Variants in AMIGO1 observed in about 807,000 individuals in gnomAD.
AMIGO1 encodes the protein amphoterin-induced protein 1.
For missense variants in AMIGO1, 361 were observed against 612.3 expected (o/e 0.59, Z 4.33); for synonymous variants, 249 against 266.3 (o/e 0.93, Z 0.63).
In AMIGO1 at chr1:109,509,676, G is replaced by A. The variant is rs1179695684; in HGVS notation, c.-344C>T. 1 of 151,110 alleles carries A rather than the reference G, an allele frequency of 6.6e-6. No individual in the cohort carries two copies. Among genetic ancestry groups the A allele is most frequent in the Non-Finnish European group, 1.5e-5 (1 of 67,696 alleles). 9.4% of individuals were successfully genotyped at this position (151,110 alleles called of 1,614,324 possible). On this transcript the variant is annotated 5_prime_UTR_variant, in exon 1 of 2. Coordinates refer to ENST00000369864, the MANE Select transcript of AMIGO1 (RefSeq NM_020703.4). ...CAGGCCTGGCGCGGATCGGTGCGGG[G>A]AGCCGGAGGCGCAGCGATCCCAGCG...
In AMIGO1 at chr1:109,505,134, G is replaced by A. The variant is rs569914560; in HGVS notation, c.*2297C>T. 2.2e-4 allele frequency: 34 copies of A among 152,334 alleles called. No individual in the cohort carries two copies. The highest frequency in any genetic ancestry group is 8.2e-4 in the African/African-American group (34 of 41,556). The allele number at this position is 152,334 out of a possible 1,614,324, so 9.4% of individuals were successfully genotyped here. A position where few individuals can be genotyped will look rare whatever the true frequency, so the allele number is the denominator to read the frequency against. On this transcript the variant is annotated 3_prime_UTR_variant, in exon 2 of 2. Transcript: ENST00000369864. ...TAGCCCCTTGCCAGTTTCCTTCTGA[G>A]TCCTTCAATGACCTAGTTCTATCTT...
In AMIGO1 at chr1:109,507,893, G is replaced by C. The variant is rs754317749; in HGVS notation, c.1020C>G (p.Thr340=). 1 of 1,614,118 alleles carries C rather than the reference G, an allele frequency of 6.2e-7. No homozygotes were observed. Among genetic ancestry groups the C allele is most frequent in the Non-Finnish European group, 8.5e-7 (1 of 1,180,030 alleles). ...TGAAAGTCTCTCCCATGGCATAGCA[G>C]GTATACACACCACCGTCCTCGACCT... ...QVQVEDGGVY[T]CYAMGETFNE... The change falls in exon 2 of 2, where the codon ACC becomes ACG. Residue 340 remains threonine, a synonymous_variant. Coordinates refer to ENST00000369864, the MANE Select transcript of AMIGO1 (RefSeq NM_020703.4). The surrounding 1 kb of genome is among the most constrained non-coding windows in gnomAD (Gnocchi z 4.7).
rs1384679927 is a variant in AMIGO1, at chr1:109,508,968, C to T, written c.-56G>A. On this transcript the variant is annotated 5_prime_UTR_variant, in exon 2 of 2. Coordinates refer to ENST00000369864, the MANE Select transcript of AMIGO1 (RefSeq NM_020703.4). This position sits in a 1 kb window ranked among gnomAD's most constrained non-coding sequence, Gnocchi z 7.8. The stretch of plus-strand genomic sequence containing the variant: ...AAGGAAGATCTGGGAGGAGGTCACC[C>T]GGGCATGTTCTGGTGGGGTACGGAA... 19 of 1,462,396 alleles carry T rather than the reference C, an allele frequency of 1.3e-5. No homozygotes were observed. The highest frequency in any genetic ancestry group is 1.7e-5 in the Non-Finnish European group (19 of 1,104,584). 90.6% of individuals were successfully genotyped at this position (1,462,396 alleles called of 1,614,324 possible).
In AMIGO1 at chr1:109,504,928, T is replaced by C. The variant is rs925453517; in HGVS notation, c.*2503A>G. On this transcript the variant is annotated 3_prime_UTR_variant, in exon 2 of 2. Coordinates refer to ENST00000369864, the MANE Select transcript of AMIGO1 (RefSeq NM_020703.4). ...CTTTAAAGATCTTCAGAGCCCTAGA[T>C]GGTGCCAAGCGGGGAGACTGCAGCA... The C allele has an allele frequency of 1.3e-5, 2 of 152,170 alleles. No homozygotes were observed. Among genetic ancestry groups the C allele is most frequent in the African/African-American group, 4.8e-5 (2 of 41,418 alleles). 9.4% of individuals were successfully genotyped at this position (152,170 alleles called of 1,614,324 possible). A position where few individuals can be genotyped will look rare whatever the true frequency, so the allele number is the denominator to read the frequency against.
In AMIGO1 at chr1:109,506,689, G is replaced by A. The variant is rs1658031742; in HGVS notation, c.*742C>T. 1 of 152,236 alleles carries A rather than the reference G, an allele frequency of 6.6e-6. No individual in the cohort carries two copies. The highest frequency in any genetic ancestry group is 1.5e-5 in the Non-Finnish European group (1 of 68,072). The allele number at this position is 152,236 out of a possible 1,614,324, so 9.4% of individuals were successfully genotyped here. A position where few individuals can be genotyped will look rare whatever the true frequency, so the allele number is the denominator to read the frequency against. ...CGTGCTGGCACCTATGCTGTGACATGGACCCTTCAGTTCATGCTATAACCC... is the reference window on the plus strand; with the variant it reads ...CGTGCTGGCACCTATGCTGTGACATAGACCCTTCAGTTCATGCTATAACCC... On this transcript the variant is annotated 3_prime_UTR_variant, in exon 2 of 2. Transcript: ENST00000369864.
chr1:109,509,274 G>T, intron 1 of AMIGO1, 146 bp downstream of exon 1: 1 of 248,340 alleles, frequency 4.0e-6, no homozygotes, highest in Non-Finnish European at 7.9e-6. Flanking sequence ...CACGGGCAGG[G>T]TTTGGAGGTG....
rs939941270 is a variant in AMIGO1, at chr1:109,505,160, AATTGCTCATAT to A, written c.*2260_*2270del. 3 of 152,286 alleles carry A rather than the reference AATTGCTCATAT, an allele frequency of 2.0e-5. No individual in the cohort carries two copies. The highest frequency in any genetic ancestry group is 1.9e-4 in the East Asian group (1 of 5,184). The allele number at this position is 152,286 out of a possible 1,614,324, so 9.4% of individuals were successfully genotyped here. A position where few individuals can be genotyped will look rare whatever the true frequency, so the allele number is the denominator to read the frequency against. On this transcript the variant is annotated 3_prime_UTR_variant, in exon 2 of 2. Coordinates refer to ENST00000369864, the MANE Select transcript of AMIGO1 (RefSeq NM_020703.4). The stretch of plus-strand genomic sequence containing the variant: ...TCCTTCAATGACCTAGTTCTATCTT[AATTGCTCATAT>A]ATTGCTCATATATATAGTCTTCACG...
chr1:109,508,287 G>C lies in AMIGO1; in HGVS notation c.626C>G (p.Pro209Arg). ...NLPLPDLQKL[P>R]AWIKNGLYLH... ...GTACAGCCCATTCTTGATCCAGGCC[G>C]GCAGCTTCTGCAGGTCAGGCAATGG... The change falls in exon 2 of 2, where the codon CCG (proline) becomes CGG (arginine). Residue 209 changes from proline (P) to arginine (R), a missense_variant. Coordinates refer to ENST00000369864, the MANE Select transcript of AMIGO1 (RefSeq NM_020703.4). This position sits in a 1 kb window ranked among gnomAD's most constrained non-coding sequence, Gnocchi z 7.8. 1 of 1,613,960 alleles carries C rather than the reference G, an allele frequency of 6.2e-7. No homozygotes were observed. The highest frequency in any genetic ancestry group is 8.5e-7 in the Non-Finnish European group (1 of 1,179,992).
rs755962381 is a variant in AMIGO1, at chr1:109,508,349, C to T, written c.564G>A (p.Thr188=). 5 of 1,613,942 alleles carry T rather than the reference C, an allele frequency of 3.1e-6. No individual in the cohort carries two copies. Among genetic ancestry groups the T allele is most frequent in the African/African-American group, 1.3e-5 (1 of 74,880 alleles). ...VKEGAKLPKL[T]LLDLSSNKLK... ...GCTTGTTAGAAGAGAGATCCAGGAGCGTTAGTTTGGGTAGCTTGGCTCCTT... is the reference window on the plus strand; with the variant it reads ...GCTTGTTAGAAGAGAGATCCAGGAGTGTTAGTTTGGGTAGCTTGGCTCCTT... The change falls in exon 2 of 2, where the codon ACG becomes ACA. Residue 188 remains threonine (T), a synonymous_variant. Transcript: ENST00000369864. This position sits in a 1 kb window ranked among gnomAD's most constrained non-coding sequence, Gnocchi z 7.8.
chr1:109,507,371 A>C lies in AMIGO1; in HGVS notation c.*60T>G, dbSNP rs1040181953. Reference sequence around the variant, plus strand: ...AGCCAGCCCTCTCTTCCATCCCCTCATATCCTTCAGGGGTGCATTACCTCT... The same window carrying C: ...AGCCAGCCCTCTCTTCCATCCCCTCCTATCCTTCAGGGGTGCATTACCTCT... On this transcript the variant is annotated 3_prime_UTR_variant, in exon 2 of 2. Coordinates refer to ENST00000369864, the MANE Select transcript of AMIGO1 (RefSeq NM_020703.4). This position sits in a 1 kb window ranked among gnomAD's most constrained non-coding sequence, Gnocchi z 4.7. The C allele has an allele frequency of 3.1e-5, 48 of 1,534,244 alleles. No homozygotes were observed. The highest frequency in any genetic ancestry group is 4.0e-5 in the Non-Finnish European group (46 of 1,139,582).
In AMIGO1 at chr1:109,504,789, C is replaced by T. The variant is rs1168575672; in HGVS notation, c.*2642G>A. ...GGATATAGTCAGGAGACTTAAGAGC[C>T]ACAGGGCCTTTTCTCATTCCCTAAA... On this transcript the variant is annotated 3_prime_UTR_variant, in exon 2 of 2. Transcript: ENST00000369864. The T allele has an allele frequency of 6.6e-6, 1 of 152,186 alleles. No individual in the cohort carries two copies. Among genetic ancestry groups the T allele is most frequent in the African/African-American group, 2.4e-5 (1 of 41,434 alleles). 9.4% of individuals were successfully genotyped at this position (152,186 alleles called of 1,614,324 possible).
In AMIGO1 at chr1:109,507,415, C is replaced by T. The variant is rs373297869; in HGVS notation, c.*16G>A. 8.9e-6 allele frequency: 14 copies of T among 1,573,422 alleles called. No homozygotes were observed. The highest frequency in any genetic ancestry group is 1.8e-5 in the Admixed American group (1 of 57,136). On this transcript the variant is annotated 3_prime_UTR_variant, in exon 2 of 2. Transcript: ENST00000369864. The surrounding 1 kb of genome is among the most constrained non-coding windows in gnomAD (Gnocchi z 4.7). Reference sequence around the variant, plus strand: ...TACCTCTCCTGGGGCAGAATCTCCCCACCAACCCATCCTGCTCACACCACA... The same window carrying T: ...TACCTCTCCTGGGGCAGAATCTCCCTACCAACCCATCCTGCTCACACCACA...
chr1:109,507,642 T>A lies in AMIGO1; in HGVS notation c.1271A>T (p.Asn424Ile). ...GTCCCCACCAGCCATAGGATCATGG[T>A]TGGGTGTGGTACTAAGCATGGAAGA... is the stretch of plus-strand genomic sequence containing the variant. ...LSSSMLSTTP[N>I]HDPMAGGDKD... Residue 424 changes from asparagine (N) to isoleucine (I), a missense_variant, in exon 2 of 2, where the codon AAC becomes ATC. Asn to Ile is a moderately radical substitution (Grantham distance 149, BLOSUM62 -3). Coordinates refer to ENST00000369864, the MANE Select transcript of AMIGO1 (RefSeq NM_020703.4). This position sits in a 1 kb window ranked among gnomAD's most constrained non-coding sequence, Gnocchi z 4.7. 6.2e-7 allele frequency: 1 copy of A among 1,614,074 alleles called. No homozygotes were observed. The highest frequency in any genetic ancestry group is 8.5e-7 in the Non-Finnish European group (1 of 1,180,008).
Position 109,507,696 on chromosome 1 carries a change from G to A in AMIGO1, c.1217C>T (p.Pro406Leu). 1 of 1,614,126 alleles carries A rather than the reference G, an allele frequency of 6.2e-7. No individual in the cohort carries two copies. The highest frequency in any genetic ancestry group is 8.5e-7 in the Non-Finnish European group (1 of 1,180,024). ...GAGGCTGTCTCCTTGATGGCTGGAA[G>A]GCTTCTCTACACCCCGGCACCAGCA... ...CRCWCRGVEK[P>L]SSHQGDSLSS... Residue 406 changes from proline (P) to leucine (L), a missense_variant, in exon 2 of 2, where the codon CCT (proline) becomes CTT (leucine). Coordinates refer to ENST00000369864, the MANE Select transcript of AMIGO1 (RefSeq NM_020703.4). This position sits in a 1 kb window ranked among gnomAD's most constrained non-coding sequence, Gnocchi z 4.7.
intron 1 of AMIGO1, among the ~76,000 whole-genome samples, chr1:109,509,208 G>T (rs1042024820): frequency 6.6e-6 from 1 of 152,156 alleles, no homozygotes; most frequent in Non-Finnish European, 1.5e-5. Context: ...GGTCACAGGG[G>T]TGCAGGCTGC....
chr1:109,507,352 C>A lies in AMIGO1; in HGVS notation c.*79G>T, dbSNP rs944650895. The A allele has an allele frequency of 6.6e-7, 1 of 1,512,394 alleles. No homozygotes were observed. The highest frequency in any genetic ancestry group is 1.4e-5 in the African/African-American group (1 of 71,904). The allele number at this position is 1,512,394 out of a possible 1,614,324, so 93.7% of individuals were successfully genotyped here. A position where few individuals can be genotyped will look rare whatever the true frequency, so the allele number is the denominator to read the frequency against. On this transcript the variant is annotated 3_prime_UTR_variant, in exon 2 of 2. Coordinates refer to ENST00000369864, the MANE Select transcript of AMIGO1 (RefSeq NM_020703.4). The surrounding 1 kb of genome is among the most constrained non-coding windows in gnomAD (Gnocchi z 4.7). ...GGAATCCATTCCCTTGGGCAGCCAG[C>A]CCTCTCTTCCATCCCCTCATATCCT...
Position 109,508,648 on chromosome 1 carries a change from G to A in AMIGO1, c.265C>T (p.His89Tyr). 2 of 1,614,186 alleles carry A rather than the reference G, an allele frequency of 1.2e-6. No individual in the cohort carries two copies. The highest frequency in any genetic ancestry group is 1.7e-6 in the Non-Finnish European group (2 of 1,180,036). The change falls in exon 2 of 2, where the codon CAC (histidine) becomes TAC (tyrosine). Residue 89 changes from histidine (H) to tyrosine (Y), a missense_variant. His to Tyr is a moderately conservative substitution (Grantham distance 83). Transcript: ENST00000369864. The surrounding 1 kb of genome is among the most constrained non-coding windows in gnomAD (Gnocchi z 7.8). ...EWTPTRLTQLHSLLLSHNHLN... is the reference protein window; with the variant it reads ...EWTPTRLTQLYSLLLSHNHLN... ...TGGTTGTGGCTCAGCAGCAGGGAGT[G>A]CAGTTGGGTCAGGCGCGTGGGGGTC...
In AMIGO1 at chr1:109,508,883, G is replaced by C. The variant is rs894714260; in HGVS notation, c.30C>G (p.Leu10=). ...GGGACAAGGACGGCAGCAGGAGCCA[G>C]AGGCCTCTCGGGTCACGGTGGGGGT... MHPHRDPRG[L]WLLLPSLSLL... The change falls in exon 2 of 2, where the codon CTC becomes CTG. Residue 10 remains leucine, a synonymous_variant. Transcript: ENST00000369864. This position sits in a 1 kb window ranked among gnomAD's most constrained non-coding sequence, Gnocchi z 7.8. The C allele has an allele frequency of 5.6e-6, 9 of 1,595,288 alleles. No homozygotes were observed. In the African/African-American group the frequency reaches 1.1e-4, roughly 19 times the overall value.
In AMIGO1 at chr1:109,508,047, T is replaced by A; in HGVS notation, c.866A>T (p.Lys289Met). 2.5e-6 allele frequency: 4 copies of A among 1,614,110 alleles called. No homozygotes were observed. Among genetic ancestry groups the A allele is most frequent in the Non-Finnish European group, 3.4e-6 (4 of 1,180,022 alleles). The change falls in exon 2 of 2, where the codon AAG becomes ATG. Residue 289 changes from lysine (K) to methionine (M), a missense_variant. Coordinates refer to ENST00000369864, the MANE Select transcript of AMIGO1 (RefSeq NM_020703.4). This position sits in a 1 kb window ranked among gnomAD's most constrained non-coding sequence, Gnocchi z 7.8. ...EAHLGDTLII[K>M]CDTKQQGMTK... ...CATCCCTTGCTGCTTGGTGTCACAC[T>A]TGATGATCAAGGTGTCACCCAGGTG... is the stretch of plus-strand genomic sequence containing the variant.
Sources: allele counts gnomAD v4.1 joint callset (sites outside exome capture counted in the v4.1 genomes callset), GRCh38; gene constraint gnomAD v4.1.1; non-coding constraint Gnocchi (gnomAD v3.1); transcripts MANE v1.5; gene names NCBI Gene and HGNC (gene_info 2026-07-23, HGNC 2026-07-21).